The following LFNG variants were observed in gnomAD, a reference collection of about 807,000 sequenced individuals.
LFNG encodes LFNG O-fucosylpeptide 3-beta-N-acetylglucosaminyltransferase.
LFNG carries 15 observed loss-of-function variants against 32.7 expected under a neutral mutation model. The observed-to-expected ratio is 0.46, with a 90% CI of 0.31 to 0.71. The LOEUF is 0.71. LFNG is among the 30% of genes least tolerant of loss of function. LFNG has a pLI of 0.06. For missense variants in LFNG, 520 were observed against 545.7 expected (o/e 0.95, Z 0.47); for synonymous variants, 274 against 246.8 (o/e 1.11, Z -1.03).
In LFNG at chr7:2,525,247, C is replaced by G. The variant is rs768425323; in HGVS notation, c.510C>G (p.Ala170=). The stretch of plus-strand genomic sequence containing the variant: ...ACGTGGTCATCACAAACTGCTCGGC[C>G]GCCCACAGCCGCCAGGCGCTGTCCT... ...TGNVVITNCS[A]AHSRQALSCK... The change falls in exon 3 of 8, where the codon GCC becomes GCG. Residue 170 remains alanine (A), a synonymous_variant. Transcript: ENST00000222725. The G allele has an allele frequency of 1.9e-6, 3 of 1,612,932 alleles. No individual in the cohort carries two copies. The highest frequency in any genetic ancestry group is 2.5e-6 in the Non-Finnish European group (3 of 1,179,902).
In LFNG at chr7:2,527,660, C is replaced by G. The variant is rs1780034061; in HGVS notation, c.*448C>G. ...AAGTCCTGGCCCCTGTGTCATAGCCCCAAGTACGACTCACTGAGCCATGCT... is the reference window on the plus strand; with the variant it reads ...AAGTCCTGGCCCCTGTGTCATAGCCGCAAGTACGACTCACTGAGCCATGCT... On this transcript the variant is annotated 3_prime_UTR_variant, in exon 8 of 8. Coordinates refer to ENST00000222725, the MANE Select transcript of LFNG (RefSeq NM_001040167.2). This position sits in a 1 kb window ranked among gnomAD's most constrained non-coding sequence, Gnocchi z 4.4. The G allele has an allele frequency of 8.9e-7, 1 of 1,129,436 alleles. No homozygotes were observed. The highest frequency in any genetic ancestry group is 4.2e-5 in the Admixed American group (1 of 23,576). The allele number at this position is 1,129,436 out of a possible 1,614,324, so 70.0% of individuals were successfully genotyped here.
downstream of LFNG, chr7:2,529,004 C>T (rs142371936): frequency 7.0e-5 from 33 of 474,562 alleles, no homozygotes; most frequent in Non-Finnish European, 1.1e-4. This position sits in a 1 kb window ranked among gnomAD's most constrained non-coding sequence, Gnocchi z 4.2. Flanking sequence ...AATGCTGCAC[C>T]TCCCTCTCCT....
chr7:2,513,753 C>T (rs1473705598), upstream of LFNG, among the ~76,000 whole-genome samples: 2 of 152,240 alleles, frequency 1.3e-5, no homozygotes, highest in Non-Finnish European at 2.9e-5. Context: ...TGGTGCCTCC[C>T]TGGTGGGTGT....
At chr7:2,521,611 C>CA (rs1449561501) in intron 1 of LFNG, among the ~76,000 whole-genome samples, 1 of 152,200 alleles carries the variant, frequency 6.6e-6, no homozygotes, top group Non-Finnish European at 1.5e-5. Flanking sequence ...CTGGCCCCCC[C>CA]ACCCCCAGCA....
intron 1 of LFNG, 81 bp from the exon 2 acceptor site, chr7:2,524,614 G>A (rs1459200178): frequency 3.0e-6 from 4 of 1,353,882 alleles, no homozygotes; most frequent in Non-Finnish European, 4.1e-6. Context: ...AGCAACTCCA[G>A]GGCGCCCCGT....
Position 2,525,429 on chromosome 7 carries a change from G to A in LFNG, c.597G>A (p.Val199=). The change falls in exon 4 of 8, where the codon GTG becomes GTA. Residue 199 remains valine (V), a synonymous_variant. Coordinates refer to ENST00000222725, the MANE Select transcript of LFNG (RefSeq NM_001040167.2). ...TTGTCCTCAGGTGGTTCTGCCACGT[G>A]GACGATGACAACTACGTCAACCTGC... ...IESGRKWFCH[V]DDDNYVNLRA... 1.2e-6 allele frequency: 2 copies of A among 1,612,888 alleles called. No individual in the cohort carries two copies. The highest frequency in any genetic ancestry group is 1.7e-6 in the Non-Finnish European group (2 of 1,179,860).
At chr7:2,519,648 C>A (rs1332918113), upstream of LFNG, among the ~76,000 whole-genome samples, 4 of 149,538 alleles carry the variant, frequency 2.7e-5, no homozygotes, top group Non-Finnish European at 4.5e-5. Flanking sequence ...CGCGGCCCCA[C>A]GTGGGTCTGC....
chr7:2,517,904 T>G, upstream of LFNG: 4 of 1,162,298 alleles, frequency 3.4e-6, no homozygotes, highest in Non-Finnish European at 4.3e-6. Flanking sequence ...GTGGCTATGA[T>G]CCTAGTTGTC....
rs1218260376 is a variant in LFNG, at chr7:2,520,389, C to T, written c.432+96C>T. Reference sequence around the variant, plus strand: ...GTGTCCCATGGGAGTCAGGCTGCATCCCCATCCAGCCACTAGGGCCATCTG... The same window carrying T: ...GTGTCCCATGGGAGTCAGGCTGCATTCCCATCCAGCCACTAGGGCCATCTG... On this transcript the variant is annotated intron_variant, in intron 1 of 7. Coordinates refer to ENST00000222725, the MANE Select transcript of LFNG (RefSeq NM_001040167.2). The surrounding 1 kb of genome is among the most constrained non-coding windows in gnomAD (Gnocchi z 5.0). 8.8e-7 allele frequency: 1 copy of T among 1,136,102 alleles called. No individual in the cohort carries two copies. Among genetic ancestry groups the T allele is most frequent in the South Asian group, 1.5e-5 (1 of 68,400 alleles). The allele number at this position is 1,136,102 out of a possible 1,614,324, so 70.4% of individuals were successfully genotyped here.
Position 2,527,216 on chromosome 7 carries a change from C to T in LFNG, c.*4C>T. The stretch of plus-strand genomic sequence containing the variant: ...TCCCCGCACTGCCATCTTCTAGTGG[C>T]CATGGCTGAGACCCAATCCCTGGGC... On this transcript the variant is annotated 3_prime_UTR_variant, in exon 8 of 8. Coordinates refer to ENST00000222725, the MANE Select transcript of LFNG (RefSeq NM_001040167.2). The surrounding 1 kb of genome is among the most constrained non-coding windows in gnomAD (Gnocchi z 4.4). 1.2e-6 allele frequency: 2 copies of T among 1,612,468 alleles called. No individual in the cohort carries two copies. The highest frequency in any genetic ancestry group is 1.7e-6 in the Non-Finnish European group (2 of 1,179,940).
Position 2,525,623 on chromosome 7 carries a change from G to T in LFNG, c.735+56G>T. ...CCCACGCGGAGCGCACACCCGGAGTGGGGGTGGGACCGTGAGGGGCAGCAG... is the reference window on the plus strand; with the variant it reads ...CCCACGCGGAGCGCACACCCGGAGTTGGGGTGGGACCGTGAGGGGCAGCAG... On this transcript the variant is annotated intron_variant, in intron 4 of 7. Transcript: ENST00000222725. 1.9e-6 allele frequency: 3 copies of T among 1,611,938 alleles called. 1 individual carries two copies. The highest frequency in any genetic ancestry group is 2.2e-5 in the South Asian group (2 of 90,950).
chr7:2,519,677 G>C (rs1332043098), upstream of LFNG, among the ~76,000 whole-genome samples: 2 of 149,268 alleles, frequency 1.3e-5, no homozygotes, highest in Non-Finnish European at 1.5e-5. Context: ...AGCGGCGACC[G>C]GCGCGAGGCC....
exon 1 of LFNG, chr7:2,512,556 T>C: frequency 9.5e-7 from 1 of 1,056,878 alleles, no homozygotes; most frequent in Non-Finnish European, 1.5e-6. Context: ...TGGCAGAGCC[T>C]CCCAAGGAAG....
At chr7:2,518,498 A>G (rs1336102437), upstream of LFNG, 17 of 894,678 alleles carry the variant, frequency 1.9e-5, no homozygotes, top group Non-Finnish European at 3.1e-5. Flanking sequence ...CCAGACATTT[A>G]TCCAGTGAAT....
chr7:2,521,980 C>G (rs1311767271), intron 1 of LFNG, among the ~76,000 whole-genome samples: 1 of 152,162 alleles, frequency 6.6e-6, no homozygotes, highest in African/African-American at 2.4e-5. Context: ...CTGCCCTCAG[C>G]ATCAGTTCAC....
At chr7:2,513,287 AC>A (rs768912181), upstream of LFNG, 1 of 1,611,470 alleles carries the variant, frequency 6.2e-7, no homozygotes, top group Non-Finnish European at 8.5e-7. Flanking sequence ...GTGGAGCCCA[AC>A]ACCAGCTCTC....
Position 2,526,139 on chromosome 7 carries a change from C to G in LFNG, c.822-105C>G, listed in dbSNP as rs1779963706. On this transcript the variant is annotated intron_variant, in intron 5 of 7. Coordinates refer to ENST00000222725, the MANE Select transcript of LFNG (RefSeq NM_001040167.2). The surrounding 1 kb of genome is among the most constrained non-coding windows in gnomAD (Gnocchi z 6.9). ...CTGCAGCCCAGAGCTCTCCTCAGGGCTCCTCTCCCTGAGGAGTGCAGCGCC... is the reference window on the plus strand; with the variant it reads ...CTGCAGCCCAGAGCTCTCCTCAGGGGTCCTCTCCCTGAGGAGTGCAGCGCC... 5.7e-6 allele frequency: 7 copies of G among 1,229,598 alleles called. No individual in the cohort carries two copies. The highest frequency in any genetic ancestry group is 8.1e-6 in the Non-Finnish European group (7 of 862,762). The allele number at this position is 1,229,598 out of a possible 1,614,324, so 76.2% of individuals were successfully genotyped here. A position where few individuals can be genotyped will look rare whatever the true frequency, so the allele number is the denominator to read the frequency against.
chr7:2,519,664 T>TGGAGCGGCGACCGGCGCGA (rs1436526903), upstream of LFNG, among the ~76,000 whole-genome samples: 2 of 147,716 alleles, frequency 1.4e-5, no homozygotes, highest in Non-Finnish European at 3.0e-5. Context: ...TCTGCGGGCG[T>TGGAGCGGCGACCGGCGCGA]GGAGCGGCGA....
At chr7:2,518,460 A>G (rs2128374384), upstream of LFNG, 1 of 808,938 alleles carries the variant, frequency 1.2e-6, no homozygotes, top group Non-Finnish European at 2.2e-6. Context: ...CAGCGTCCTT[A>G]GCGGGGGGAG....
Sources: gnomAD v4.1 joint callset for allele counts (sites outside exome capture counted in the v4.1 genomes callset) on GRCh38, gnomAD v4.1.1 for gene constraint, Gnocchi (gnomAD v3.1) non-coding constraint, MANE v1.5 for transcripts, NCBI Gene and HGNC (gene_info 2026-07-23, HGNC 2026-07-21) for gene names.